The following OR51B5 variants were observed in gnomAD, a reference collection of about 807,000 sequenced individuals.
OR51B5 encodes the protein olfactory receptor family 51 subfamily B member 5.
For missense variants in OR51B5, 456 were observed against 374.6 expected, an observed-to-expected ratio of 1.22 and a Z score of -1.79; for synonymous variants, 186 against 144.8, an observed-to-expected ratio of 1.28 and a Z score of -2.04.
intron 1 of OR51B5, among the ~76,000 whole-genome samples, chr11:5,487,190 G>T (rs1444483777): frequency 1.3e-5 from 2 of 152,228 alleles, no homozygotes; most frequent in South Asian, 2.1e-4. Flanking sequence ...TCTGGGATTG[G>T]TCTTTTCATT....
intron 1 of OR51B5, chr11:5,441,450 A>T (rs1456848168): frequency 4.3e-6 from 7 of 1,613,664 alleles, no homozygotes; most frequent in Non-Finnish European, 5.9e-6. Flanking sequence ...GCCTGTTTGT[A>T]TCCCAGGAAT....
chr11:5,441,074 A>G, intron 1 of OR51B5: 9 of 1,613,976 alleles, frequency 5.6e-6, no homozygotes, highest in Non-Finnish European at 7.6e-6. Context: ...GGATGCCCAG[A>G]CCCATAGCCA....
upstream of OR51B5, chr11:5,347,006 C>G (rs572728756): frequency 6.6e-6 from 1 of 152,274 alleles, no homozygotes; most frequent in South Asian, 2.1e-4. Context: ...GAAATATTTA[C>G]TCTGTATTAA....
At chr11:5,480,370 A>C (rs189816686) in intron 1 of OR51B5, among the ~76,000 whole-genome samples, 62 of 152,238 alleles carry the variant, frequency 4.1e-4, no homozygotes, top group Middle Eastern at 6.8e-3. Flanking sequence ...GTGTAGAGGG[A>C]AACTTATAGC....
chr11:5,455,538 C>G (rs115626599), intron 1 of OR51B5: 1 of 59,192 alleles, frequency 1.7e-5, no homozygotes, highest in Non-Finnish European at 3.5e-5. Flanking sequence ...CAAAAGAGAG[C>G]GAGGGATTGG....
intron 1 of OR51B5, among the ~76,000 whole-genome samples, chr11:5,373,823 C>T (rs978302431): frequency 6.6e-6 from 1 of 152,198 alleles, no homozygotes; most frequent in Non-Finnish European, 1.5e-5. Context: ...ACAAAGCAGC[C>T]AGGAAGCTCA....
chr11:5,450,898 C>T (rs748579930), intron 1 of OR51B5, among the ~76,000 whole-genome samples: 1 of 151,932 alleles, frequency 6.6e-6, no homozygotes. Context: ...AGGACATGAC[C>T]TGCATGCTCT....
intron 1 of OR51B5, among the ~76,000 whole-genome samples, chr11:5,471,701 G>A (rs567228569): frequency 2.0e-5 from 3 of 151,638 alleles, no homozygotes; most frequent in Middle Eastern, 3.2e-3. Flanking sequence ...TAACATAAGA[G>A]CTACATGTTT....
intron 1 of OR51B5, among the ~76,000 whole-genome samples, chr11:5,410,397 C>T (rs905198600): frequency 8.6e-5 from 13 of 151,784 alleles, no homozygotes; most frequent in African/African-American, 1.9e-4. Context: ...TTATAGTAGA[C>T]GATAAGATGT....
chr11:5,376,105 A>T (rs1194416300), intron 1 of OR51B5, among the ~76,000 whole-genome samples: 2 of 152,174 alleles, frequency 1.3e-5, no homozygotes, highest in African/African-American at 4.8e-5. Context: ...AAATTATAAC[A>T]AACTGTCTCT....
chr11:5,351,715 G>C, intron 1 of OR51B5: 1 of 1,613,960 alleles, frequency 6.2e-7, no homozygotes, highest in African/African-American at 1.3e-5. Context: ...TACAGACCTC[G>C]GAGTGACATT....
At chr11:5,477,783 T>A (rs559070043) in intron 1 of OR51B5, among the ~76,000 whole-genome samples, 1 of 152,152 alleles carries the variant, frequency 6.6e-6, no homozygotes, top group Non-Finnish European at 1.5e-5. Flanking sequence ...CACTCCCACC[T>A]GAATATTGCG....
chr11:5,472,205 A>G (rs1245190883), intron 1 of OR51B5, among the ~76,000 whole-genome samples: 1 of 152,182 alleles, frequency 6.6e-6, no homozygotes, highest in African/African-American at 2.4e-5. Flanking sequence ...TCAGGCACCA[A>G]CTAGATGGGG....
intron 1 of OR51B5, chr11:5,352,392 G>A (rs1849110944): frequency 6.2e-7 from 1 of 1,612,846 alleles, no homozygotes; most frequent in Non-Finnish European, 8.5e-7. Flanking sequence ...TTAAAACTAA[G>A]CAGATTCAGA....
intron 1 of OR51B5, among the ~76,000 whole-genome samples, chr11:5,407,144 G>A (rs1850069648): frequency 6.6e-6 from 1 of 151,914 alleles, no homozygotes; most frequent in African/African-American, 2.4e-5. Context: ...AGTACTGTGG[G>A]GCATATTTCT....
chr11:5,356,888 T>C (rs1253043116), intron 1 of OR51B5, among the ~76,000 whole-genome samples: 1 of 146,258 alleles, frequency 6.8e-6, no homozygotes, highest in African/African-American at 2.6e-5. Context: ...GCTTCATAAG[T>C]GAAGGAGAAA....
At chr11:5,390,581 G>A (rs1849781091) in intron 1 of OR51B5, 4 of 528,840 alleles carry the variant, frequency 7.6e-6, no homozygotes, top group Admixed American at 6.9e-5. Flanking sequence ...TCCTACAGCT[G>A]AGAACTGGCA....
intron 1 of OR51B5, chr11:5,390,179 C>T: frequency 6.2e-7 from 1 of 1,613,988 alleles, no homozygotes; most frequent in South Asian, 1.1e-5. Flanking sequence ...CTGTGCTGTG[C>T]TAGTATTCTT....
At chr11:5,404,281 C>T (rs1850024454) in intron 1 of OR51B5, among the ~76,000 whole-genome samples, 1 of 152,154 alleles carries the variant, frequency 6.6e-6, no homozygotes, top group Non-Finnish European at 1.5e-5. Context: ...CCAATCAGCA[C>T]TCTGTGTCTA....
Sources: allele counts gnomAD v4.1 joint callset (sites outside exome capture counted in the v4.1 genomes callset), GRCh38; gene constraint gnomAD v4.1.1; transcripts MANE v1.5; gene names NCBI Gene and HGNC (gene_info 2026-07-23, HGNC 2026-07-21).